FLRT2: variants seen among roughly 807,000 people sequenced by gnomAD.
FLRT2 encodes leucine-rich repeat transmembrane protein FLRT2.
FLRT2 carries 15 observed loss-of-function variants against 40.0 expected under a neutral mutation model. That is an observed-to-expected ratio of 0.38 (90% CI 0.25 to 0.58). The LOEUF is 0.58. Ranked by LOEUF, FLRT2 falls within the 20% of genes least tolerant of loss-of-function variation. The probability of loss-of-function intolerance (pLI) is 0.71; values close to 1 mark genes in which losing one functional copy is unlikely to be tolerated. For synonymous variants in FLRT2, 380 were observed against 336.8 expected (o/e 1.13, Z -1.41); for missense variants, 726 against 840.0 (o/e 0.86, Z 1.68).
At chr14:85,619,458 C>G (rs1306104989) in intron 1 of FLRT2, among the ~76,000 whole-genome samples, 1 of 152,044 alleles carries the variant, frequency 6.6e-6, no homozygotes, top group Non-Finnish European at 1.5e-5. Context: ...CCCCTCCCAC[C>G]CACCTTATAT....
intron 1 of FLRT2, among the ~76,000 whole-genome samples, chr14:85,571,948 C>T (rs372582055): frequency 6.6e-6 from 1 of 152,310 alleles, no homozygotes; most frequent in South Asian, 2.1e-4. Flanking sequence ...ACCTATGCAA[C>T]CCCAAATATT....
intron 1 of FLRT2, among the ~76,000 whole-genome samples, chr14:85,550,425 T>C (rs1889547962): frequency 6.6e-6 from 1 of 152,160 alleles, no homozygotes; most frequent in Non-Finnish European, 1.5e-5. Context: ...GGTAAATGAG[T>C]TCACTGTAGA....
intron 1 of FLRT2, among the ~76,000 whole-genome samples, chr14:85,558,400 A>G (rs1455914695): frequency 6.6e-6 from 1 of 152,176 alleles, no homozygotes; most frequent in Non-Finnish European, 1.5e-5. Context: ...AGGAATTTGG[A>G]GTCATGGGAA....
chr14:85,622,180 C>T lies in FLRT2; in HGVS notation c.666C>T (p.Ala222=), dbSNP rs370244900. The change falls in exon 2 of 2, where the codon GCC becomes GCT. Residue 222 remains alanine, a synonymous_variant. Coordinates refer to ENST00000330753, the MANE Select transcript of FLRT2 (RefSeq NM_013231.6). ...ACCTCCTGACCAACAAGGGTATCGC[C>T]GAGGGCACCTTCAGCCATCTCACCA... The part of the protein sequence containing the change: ...DGNLLTNKGI[A]EGTFSHLTKL... The T allele has an allele frequency of 3.7e-6, 6 of 1,613,966 alleles. No homozygotes were observed. The highest frequency in any genetic ancestry group is 2.2e-5 in the South Asian group (2 of 91,074).
At position 85,647,013 on chromosome 14, in the gene FLRT2, T is replaced by G. The variant is rs1894322410; in HGVS notation, c.*23516T>G. 1 of 152,202 alleles carries G rather than the reference T, an allele frequency of 6.6e-6. No individual in the cohort carries two copies. Among genetic ancestry groups the G allele is most frequent in the Admixed American group, 6.5e-5 (1 of 15,270 alleles). The allele number at this position is 152,202 out of a possible 1,614,324, so 9.4% of individuals were successfully genotyped here. A position where few individuals can be genotyped will look rare whatever the true frequency, so the allele number is the denominator to read the frequency against. On this transcript the variant is annotated 3_prime_UTR_variant, in exon 2 of 2. Transcript: ENST00000330753. Reference sequence around the variant, plus strand: ...AAGCTATAGCTTCCCAATTACTTGATGAACAGCTATGAATGTTGTTTCTTT... The same window carrying G: ...AAGCTATAGCTTCCCAATTACTTGAGGAACAGCTATGAATGTTGTTTCTTT...
intron 1 of FLRT2, among the ~76,000 whole-genome samples, chr14:85,549,989 T>C (rs1889514628): frequency 6.6e-6 from 1 of 151,878 alleles, no homozygotes; most frequent in East Asian, 1.9e-4. Context: ...CTGTTCTATC[T>C]CAATTTGGAT....
chr14:85,577,485 G>A (rs760907882), intron 1 of FLRT2, among the ~76,000 whole-genome samples: 36 of 152,174 alleles, frequency 2.4e-4, no homozygotes, highest in Middle Eastern at 3.4e-3. Context: ...CTGCAGCCAT[G>A]CTCCCTTTCA....
In FLRT2 at chr14:85,654,213, G is replaced by A. The variant is rs1894497163; in HGVS notation, c.*30716G>A. 1 of 152,082 alleles carries A rather than the reference G, an allele frequency of 6.6e-6. No individual in the cohort carries two copies. The highest frequency in any genetic ancestry group is 2.1e-4 in the South Asian group (1 of 4,816). 9.4% of individuals were successfully genotyped at this position (152,082 alleles called of 1,614,324 possible). On this transcript the variant is annotated 3_prime_UTR_variant, in exon 2 of 2. Coordinates refer to ENST00000330753, the MANE Select transcript of FLRT2 (RefSeq NM_013231.6). Reference sequence around the variant, plus strand: ...TGATTTGTTTATGACTAACAGCATGGATTTGAGACAGTTATGAAAATGCCA... The same window carrying A: ...TGATTTGTTTATGACTAACAGCATGAATTTGAGACAGTTATGAAAATGCCA...
chr14:85,608,227 AT>A (rs58127837), intron 1 of FLRT2, among the ~76,000 whole-genome samples: 2,578 of 144,354 alleles, frequency 0.018, 56 homozygotes, highest in African/African-American at 0.055. Flanking sequence ...TTGATAAATG[AT>A]TTTTTTTTTT....
chr14:85,597,382 A>G (rs1388290499), intron 1 of FLRT2, among the ~76,000 whole-genome samples: 1 of 152,212 alleles, frequency 6.6e-6, no homozygotes, highest in Non-Finnish European at 1.5e-5. Flanking sequence ...TTTATGAGAA[A>G]ATACATCCTA....
intron 1 of FLRT2, among the ~76,000 whole-genome samples, chr14:85,616,439 C>A (rs1470159991): frequency 6.6e-6 from 1 of 152,054 alleles, no homozygotes; most frequent in Non-Finnish European, 1.5e-5. Flanking sequence ...AACATGAGTT[C>A]GTTTAATATC....
chr14:85,592,449 G>A (rs1356110381), intron 1 of FLRT2, among the ~76,000 whole-genome samples: 3 of 151,972 alleles, frequency 2.0e-5, no homozygotes, highest in Admixed American at 6.6e-5. Flanking sequence ...AGAACAAATG[G>A]GGTCTGGAAT....
At chr14:85,543,464 C>G (rs148445748) in intron 1 of FLRT2, among the ~76,000 whole-genome samples, 3 of 152,132 alleles carry the variant, frequency 2.0e-5, no homozygotes, top group African/African-American at 7.2e-5. Flanking sequence ...CCTGTCTGTT[C>G]TCCCCACCAT....
At chr14:85,587,211 A>G (rs1891658917) in intron 1 of FLRT2, among the ~76,000 whole-genome samples, 1 of 149,702 alleles carries the variant, frequency 6.7e-6, no homozygotes, top group African/African-American at 2.5e-5. Flanking sequence ...TTCTTTTAGT[A>G]TTTCAGGAAG....
At position 85,621,772 on chromosome 14, in the gene FLRT2, T is replaced by G; in HGVS notation, c.258T>G (p.Asn86Lys). The change falls in exon 2 of 2, where the codon AAT becomes AAG. Residue 86 changes from asparagine (N) to lysine (K), a missense_variant. Asn to Lys is a moderately conservative substitution (Grantham distance 94). This residue lies in a region of FLRT2 where 106 missense variants were observed against 121.2 expected (regional missense o/e 0.87). Transcript: ENST00000330753. ...CTGGATTTCCTGCAGAACTGCACAATGTACAGTCGGTGCACACGGTCTACC... is the reference window on the plus strand; with the variant it reads ...CTGGATTTCCTGCAGAACTGCACAAGGTACAGTCGGTGCACACGGTCTACC... The part of the protein sequence containing the change: ...NNAGFPAELH[N>K]VQSVHTVYLY... 2 of 1,614,228 alleles carry G rather than the reference T, an allele frequency of 1.2e-6. No homozygotes were observed. The highest frequency in any genetic ancestry group is 1.7e-6 in the Non-Finnish European group (2 of 1,180,038).
Position 85,652,747 on chromosome 14 carries a change from A to T in FLRT2, c.*29250A>T, listed in dbSNP as rs2139413003. 1 of 152,274 alleles carries T rather than the reference A, an allele frequency of 6.6e-6. No individual in the cohort carries two copies. Among genetic ancestry groups the T allele is most frequent in the South Asian group, 2.1e-4 (1 of 4,832 alleles). 9.4% of individuals were successfully genotyped at this position (152,274 alleles called of 1,614,324 possible). On this transcript the variant is annotated 3_prime_UTR_variant, in exon 2 of 2. Transcript: ENST00000330753. Reference sequence around the variant, plus strand: ...ATAGCTGAACTAATAAGCATGAAATATTTTCACTGATTTATAAGAATCCAG... The same window carrying T: ...ATAGCTGAACTAATAAGCATGAAATTTTTTCACTGATTTATAAGAATCCAG...
At position 85,628,330 on chromosome 14, in the gene FLRT2, C is replaced by T. The variant is rs931510072; in HGVS notation, c.*4833C>T. On this transcript the variant is annotated 3_prime_UTR_variant, in exon 2 of 2. Coordinates refer to ENST00000330753, the MANE Select transcript of FLRT2 (RefSeq NM_013231.6). ...TTTATTTTTAAATTTTTTTTAAACA[C>T]GGTCTTACCATGTTGCCCAGGCTGG... is the stretch of plus-strand genomic sequence containing the variant. The T allele has an allele frequency of 5.3e-5, 8 of 151,894 alleles. No homozygotes were observed. Among genetic ancestry groups the T allele is most frequent in the African/African-American group, 1.2e-4 (5 of 41,332 alleles). The allele number at this position is 151,894 out of a possible 1,614,324, so 9.4% of individuals were successfully genotyped here.
In FLRT2 at chr14:85,632,656, A is replaced by C. The variant is rs1272315283; in HGVS notation, c.*9159A>C. On this transcript the variant is annotated 3_prime_UTR_variant, in exon 2 of 2. Coordinates refer to ENST00000330753, the MANE Select transcript of FLRT2 (RefSeq NM_013231.6). ...TTAAAAAAGACAGTCATTATTCACT[A>C]TGTCATATCCCATATAAAAATACAG... 4 of 151,950 alleles carry C rather than the reference A, an allele frequency of 2.6e-5. No individual in the cohort carries two copies. The highest frequency in any genetic ancestry group is 7.3e-5 in the African/African-American group (3 of 41,334). The allele number at this position is 151,950 out of a possible 1,614,324, so 9.4% of individuals were successfully genotyped here.
At chr14:85,575,784 C>A (rs1891105716) in intron 1 of FLRT2, among the ~76,000 whole-genome samples, 1 of 152,184 alleles carries the variant, frequency 6.6e-6, no homozygotes, top group Non-Finnish European at 1.5e-5. Flanking sequence ...TCACCCAGCT[C>A]CTGAAGCCCT....
Sources: gnomAD v4.1 joint callset for allele counts (sites outside exome capture counted in the v4.1 genomes callset) on GRCh38, gnomAD v4.1.1 for gene constraint, gnomAD v4.1.1 regional missense constraint, MANE v1.5 for transcripts, NCBI Gene and HGNC (gene_info 2026-07-23, HGNC 2026-07-21) for gene names.